The following LAYN variants were observed in gnomAD, a reference collection of about 807,000 sequenced individuals.
LAYN encodes the protein layilin.
A neutral mutation model predicts 43.6 loss-of-function variants in LAYN; 38 were observed. The ratio of observed to expected loss-of-function variants is 0.87; its 90% CI spans 0.67 to 1.14. The LOEUF is 1.14. LAYN is among the 50% of genes most tolerant of loss of function. LAYN has a pLI of 0.00. For synonymous variants in LAYN, 168 were observed against 172.9 expected (o/e 0.97, Z 0.22); for missense variants, 479 against 463.8 (o/e 1.03, Z -0.30).
chr11:111,552,348 A>G (rs910374735), intron 3 of LAYN, among the ~76,000 whole-genome samples: 7 of 152,162 alleles, frequency 4.6e-5, no homozygotes, highest in African/African-American at 1.7e-4. Flanking sequence ...CCTTCACTAC[A>G]TGATTGGCAT....
At chr11:111,542,193 G>T (rs1236880440) in intron 1 of LAYN, among the ~76,000 whole-genome samples, 1 of 152,192 alleles carries the variant, frequency 6.6e-6, no homozygotes, top group Admixed American at 6.5e-5. Flanking sequence ...TTGAGGAATC[G>T]CAAAAGCGTG....
Position 111,560,307 on chromosome 11 carries a change from AC to A in LAYN, c.975del (p.Asn325LysfsTer4), listed in dbSNP as rs1439393332. 6.2e-7 allele frequency: 1 copy of A among 1,614,254 alleles called. No homozygotes were observed. ...TPDDMSCDYD[N>X]MAVNPSESGF... ...GATGACATGTCTTGTGACTATGACAACATGGCTGTGAACCCATCAGAAAGTG... is the reference window on the plus strand; with the variant it reads ...GATGACATGTCTTGTGACTATGACAAATGGCTGTGAACCCATCAGAAAGTG... On this transcript the variant is annotated frameshift_variant, in exon 7 of 7. Transcript: ENST00000375614. LOFTEE classifies it high-confidence loss of function.
chr11:111,557,727 C>T, intron 6 of LAYN, 84 bp downstream of exon 6: 1 of 1,098,472 alleles, frequency 9.1e-7, no homozygotes, highest in Middle Eastern at 2.0e-4. Flanking sequence ...TTCATTAAAA[C>T]CCACGGCAGC....
chr11:111,551,391 C>A, intron 3 of LAYN: 1 of 456,284 alleles, frequency 2.2e-6, no homozygotes, highest in Non-Finnish European at 4.4e-6. Flanking sequence ...AGTTTATAGA[C>A]CTCAACCTCC....
intron 1 of LAYN, among the ~76,000 whole-genome samples, chr11:111,543,115 G>C (rs1418832123): frequency 6.6e-6 from 1 of 152,158 alleles, no homozygotes; most frequent in African/African-American, 2.4e-5. Context: ...TAGTTCACTG[G>C]TACCAGCATG....
rs1286852818 is a variant in LAYN at position 111,541,020 on chromosome 11, G to T, written c.85+92G>T. Reference sequence around the variant, plus strand: ...CCCTCTTCTGGGTCGCCACGTATGGGACTAGAAGGCCGTCCCATGCCCCAC... The same window carrying T: ...CCCTCTTCTGGGTCGCCACGTATGGTACTAGAAGGCCGTCCCATGCCCCAC... On this transcript the variant is annotated intron_variant, in intron 1 of 6. Coordinates refer to ENST00000375614, the MANE Select transcript of LAYN (RefSeq NM_178834.5). 3.3e-6 allele frequency: 4 copies of T among 1,212,504 alleles called. No individual in the cohort carries two copies. In the South Asian group the frequency reaches 4.2e-5, roughly 13 times the overall value. The allele number at this position is 1,212,504 out of a possible 1,614,324, so 75.1% of individuals were successfully genotyped here.
rs72645436 is a variant in LAYN, at chr11:111,560,965, G to A, written c.*507G>A. On this transcript the variant is annotated 3_prime_UTR_variant, in exon 7 of 7. Transcript: ENST00000375614. Reference sequence around the variant, plus strand: ...AATCAAATAAAGAGCAGGAAACAGAGTGTTAGTCTGTGTCTACAGCCCTTC... The same window carrying A: ...AATCAAATAAAGAGCAGGAAACAGAATGTTAGTCTGTGTCTACAGCCCTTC... 120 of 153,582 alleles carry A rather than the reference G, an allele frequency of 7.8e-4. 1 individual carries two copies. The East Asian group carries it at 0.022, about 29-fold the overall frequency. 9.5% of individuals were successfully genotyped at this position (153,582 alleles called of 1,614,324 possible).
Position 111,540,812 on chromosome 11 carries a change from C to T in LAYN, c.-32C>T, listed in dbSNP as rs1591561766. On this transcript the variant is annotated 5_prime_UTR_variant, in exon 1 of 7. Coordinates refer to ENST00000375614, the MANE Select transcript of LAYN (RefSeq NM_178834.5). ...CCAGCCCGCTCCACCGCCGTAGCGC[C>T]CGAGTGTCGGGGGGCGCACCCGAGT... The T allele has an allele frequency of 6.6e-7, 1 of 1,513,976 alleles. No individual in the cohort carries two copies. The highest frequency in any genetic ancestry group is 2.6e-5 in the East Asian group (1 of 38,446). The allele number at this position is 1,513,976 out of a possible 1,614,324, so 93.8% of individuals were successfully genotyped here. A position where few individuals can be genotyped will look rare whatever the true frequency, so the allele number is the denominator to read the frequency against.
In LAYN at chr11:111,544,073, A is replaced by G; in HGVS notation, c.236A>G (p.Gln79Arg). The G allele has an allele frequency of 6.2e-7, 1 of 1,614,204 alleles. No homozygotes were observed. The highest frequency in any genetic ancestry group is 8.5e-7 in the Non-Finnish European group (1 of 1,180,036). Residue 79 changes from glutamine (Q) to arginine (R), a missense_variant, in exon 2 of 7, where the codon CAG becomes CGG. Transcript: ENST00000375614. ...QLVSIESEDE[Q>R]KLIEKFIENL... The stretch of plus-strand genomic sequence containing the variant: ...GTCAGCATCGAGTCTGAAGATGAAC[A>G]GAAACTGATAGAAAAGTTCATTGAA...
rs933103821 is a variant in LAYN, at chr11:111,560,517, T to C, written c.*59T>C. ...AAAGAAATGATAAGCAAAATCCTCTTATTTTCTATAAGGAAAATACACAGA... is the reference window on the plus strand; with the variant it reads ...AAAGAAATGATAAGCAAAATCCTCTCATTTTCTATAAGGAAAATACACAGA... On this transcript the variant is annotated 3_prime_UTR_variant, in exon 7 of 7. Coordinates refer to ENST00000375614, the MANE Select transcript of LAYN (RefSeq NM_178834.5). 3.4e-5 allele frequency: 52 copies of C among 1,519,694 alleles called. No homozygotes were observed. The highest frequency in any genetic ancestry group is 4.6e-5 in the Non-Finnish European group (52 of 1,125,504). 94.1% of individuals were successfully genotyped at this position (1,519,694 alleles called of 1,614,324 possible).
chr11:111,550,023 T>C (rs1591567239), intron 3 of LAYN, among the ~76,000 whole-genome samples: 2 of 152,216 alleles, frequency 1.3e-5, no homozygotes, highest in East Asian at 1.9e-4. Context: ...GTCTAATTTA[T>C]GTGTGATAAA....
At position 111,540,772 on chromosome 11, in the gene LAYN, G is replaced by A. The variant is rs908749177; in HGVS notation, c.-72G>A. On this transcript the variant is annotated 5_prime_UTR_variant, in exon 1 of 7. Transcript: ENST00000375614. The stretch of plus-strand genomic sequence containing the variant: ...CTGCTGCCGCGGTTGCAGTTGTCGC[G>A]CACGCCTCTGCCCGCCAGCCCGCTC... The A allele has an allele frequency of 1.5e-5, 21 of 1,408,968 alleles. No individual in the cohort carries two copies. Among genetic ancestry groups the A allele is most frequent in the Admixed American group, 1.2e-4 (5 of 42,204 alleles). The allele number at this position is 1,408,968 out of a possible 1,614,324, so 87.3% of individuals were successfully genotyped here.
rs146406195 is a variant in LAYN at position 111,553,620 on chromosome 11, T to TAA, written c.542-927_542-926dup. Among the ~76,000 whole-genome samples, 299 of 127,988 alleles carry TAA rather than the reference T, an allele frequency of 2.3e-3. 2 individuals are homozygous for TAA. The highest frequency in any genetic ancestry group is 5.4e-3 in the African/African-American group (188 of 34,972). 84.0% of individuals were successfully genotyped at this position (127,988 alleles called of 152,430 possible). On this transcript the variant is annotated intron_variant, in intron 3 of 6. Transcript: ENST00000375614. ...GGTGACAGAGCAAGACTCTCTCACA[T>TAA]AAAAAAAAAAAAAAACAACACTTAG...
chr11:111,543,920 TAGGGCA>T lies in LAYN; in HGVS notation c.86-2_89del. 6.2e-7 allele frequency: 1 copy of T among 1,602,792 alleles called. No homozygotes were observed. Reference sequence around the variant, plus strand: ...GAAATAGATTGGCTTCTTTTTTCTCTAGGGCAGCCAGTCTGCCGGGGAGGGACACAG... The same window carrying T: ...GAAATAGATTGGCTTCTTTTTTCTCTGCCAGTCTGCCGGGGAGGGACACAG... On this transcript the variant is annotated splice_acceptor_variant and coding_sequence_variant, in exon 2 of 7. Coordinates refer to ENST00000375614, the MANE Select transcript of LAYN (RefSeq NM_178834.5). LOFTEE classifies it high-confidence loss of function.
chr11:111,554,149 T>C (rs555223338), intron 3 of LAYN, among the ~76,000 whole-genome samples: 1 of 152,264 alleles, frequency 6.6e-6, no homozygotes, highest in African/African-American at 2.4e-5. Context: ...AAAAATGTCT[T>C]AGACTGCTTT....
chr11:111,542,681 G>A (rs375428395), intron 1 of LAYN, among the ~76,000 whole-genome samples: 205 of 152,306 alleles, frequency 1.3e-3, no homozygotes, highest in Middle Eastern at 3.4e-3. Context: ...GCAGCAGTTC[G>A]CACCCACAGC....
intron 2 of LAYN, 69 bp downstream of exon 2, chr11:111,544,289 C>T: frequency 6.7e-7 from 1 of 1,482,170 alleles, no homozygotes; most frequent in Middle Eastern, 2.4e-4. Context: ...GCTGGATCCA[C>T]AGTGCCAGAT....
In LAYN at chr11:111,549,019, C is replaced by T. The variant is rs535920080; in HGVS notation, c.384-599C>T. On this transcript the variant is annotated intron_variant, in intron 2 of 6. Transcript: ENST00000375614. ...ATCTGGAGGTAGAGGCTGAGGGGCT[C>T]ATCAGCCTTATCAAGTGGAAACAAC... is the stretch of plus-strand genomic sequence containing the variant. Among the ~76,000 whole-genome samples the T allele has an allele frequency of 8.5e-5, 13 of 152,342 alleles. No homozygotes were observed. The South Asian group carries it at 1.4e-3, about 17-fold the overall frequency.
At chr11:111,543,877 T>A in intron 1 of LAYN, 46 bp from the exon 2 acceptor site, 1 of 1,547,190 alleles carries the variant, frequency 6.5e-7, no homozygotes, top group South Asian at 1.3e-5. Flanking sequence ...CCTGCCCCGG[T>A]ATACTTTTTG....
Sources: gnomAD v4.1 joint callset for allele counts (sites outside exome capture counted in the v4.1 genomes callset) on GRCh38, gnomAD v4.1.1 for gene constraint, MANE v1.5 for transcripts, NCBI Gene and HGNC (gene_info 2026-07-23, HGNC 2026-07-21) for gene names.